DDA1: variants seen among roughly 807,000 people sequenced by gnomAD.
DDA1 encodes DET1- and DDB1-associated protein 1.
DDA1 carries 3 observed loss-of-function variants against 18.6 expected under a neutral mutation model. That is an observed-to-expected ratio of 0.16 (90% CI 0.07 to 0.42). DDA1 has a LOEUF of 0.42. Ranked by LOEUF, DDA1 falls within the 10% of genes least tolerant of loss-of-function variation. DDA1 has a pLI of 0.99. For missense variants in DDA1, 105 were observed against 138.2 expected (o/e 0.76, Z 1.20); for synonymous variants, 52 against 54.0 (o/e 0.96, Z 0.17).
intron 4 of DDA1, among the ~76,000 whole-genome samples, chr19:17,317,710 G>A (rs1407443157): frequency 6.7e-6 from 1 of 148,820 alleles, no homozygotes; most frequent in Non-Finnish European, 1.5e-5. Context: ...GCTGTGGCAT[G>A]TTCCTGTAAT....
chr19:17,315,427 T>C lies in DDA1; in HGVS notation c.137-507T>C, dbSNP rs955538759. On this transcript the variant is annotated intron_variant, in intron 3 of 4. Coordinates refer to ENST00000359866, the MANE Select transcript of DDA1 (RefSeq NM_024050.6). The stretch of plus-strand genomic sequence containing the variant: ...ATACATACGTGTGTGTGTGTGTGTG[T>C]GCATATATATATATATATATATATA... Among the ~76,000 whole-genome samples the C allele has an allele frequency of 7.5e-4, 59 of 79,116 alleles. No homozygotes were observed. In the South Asian group the frequency reaches 0.013, roughly 18 times the overall value. The allele number at this position is 79,116 out of a possible 152,430, so 51.9% of individuals were successfully genotyped here.
intron 3 of DDA1, chr19:17,315,630 C>T (rs1213687916): frequency 5.2e-6 from 2 of 385,718 alleles, no homozygotes; most frequent in Non-Finnish European, 9.6e-6. Context: ...GGTCACTGGG[C>T]ACAGATATGC....
intron 1 of DDA1, among the ~76,000 whole-genome samples, chr19:17,309,961 G>T (rs2074171418): frequency 7.2e-6 from 1 of 139,064 alleles, no homozygotes. Context: ...GGTCCCGTAA[G>T]ACCCCCTGGT....
intron 3 of DDA1, among the ~76,000 whole-genome samples, chr19:17,315,160 C>T (rs12984477): frequency 0.13 from 5,560 of 41,726 alleles, 1,403 homozygotes; most frequent in Non-Finnish European, 0.17. Flanking sequence ...CGTATATATA[C>T]ACACGTGTAT....
In DDA1 at chr19:17,315,481, A is replaced by G. The variant is rs1288153060; in HGVS notation, c.137-453A>G. Among the ~76,000 whole-genome samples, 14 of 132,452 alleles carry G rather than the reference A, an allele frequency of 1.1e-4. No homozygotes were observed. In the East Asian group the frequency reaches 2.3e-3, roughly 22 times the overall value. 86.9% of individuals were successfully genotyped at this position (132,452 alleles called of 152,430 possible). Reference sequence around the variant, plus strand: ...TAGCCGGGCGTGGTGGCATGCATCTATAGTCCCAGGTGGGAAAATCAGTTG... The same window carrying G: ...TAGCCGGGCGTGGTGGCATGCATCTGTAGTCCCAGGTGGGAAAATCAGTTG... On this transcript the variant is annotated intron_variant, in intron 3 of 4. Transcript: ENST00000359866.
chr19:17,315,187 ACACACACGTG>A (rs1331944162), intron 3 of DDA1, among the ~76,000 whole-genome samples: 275 of 25,940 alleles, frequency 0.011, 69 homozygotes, highest in African/African-American at 0.056. Context: ...ACACGTGTAT[ACACACACGTG>A]TATACACACG....
Position 17,312,441 on chromosome 19 carries a change from A to G in DDA1, c.4-1582A>G, listed in dbSNP as rs761216042. Among the ~76,000 whole-genome samples the G allele has an allele frequency of 2.0e-5, 3 of 152,054 alleles. No homozygotes were observed. In the South Asian group the frequency reaches 6.2e-4, roughly 31 times the overall value. The stretch of plus-strand genomic sequence containing the variant: ...GGGGAGGTTAGCAGGTATTTGCCAC[A>G]TGGAGGCATGAGGGGCATTCCTAGA... On this transcript the variant is annotated intron_variant, in intron 1 of 4. Transcript: ENST00000359866.
chr19:17,316,387 G>A (rs893093189), intron 4 of DDA1, among the ~76,000 whole-genome samples: 3 of 149,386 alleles, frequency 2.0e-5, no homozygotes, highest in South Asian at 2.1e-4. Flanking sequence ...CGAGACCATC[G>A]TGGCCAACAT....
intron 1 of DDA1, among the ~76,000 whole-genome samples, chr19:17,312,342 T>G (rs2074183018): frequency 6.6e-6 from 1 of 151,392 alleles, no homozygotes; most frequent in South Asian, 2.1e-4. Context: ...CTCGCCGGGG[T>G]GTGAGGGAGG....
rs759702391 is a variant in DDA1 at position 17,319,572 on chromosome 19, G to A, written c.225G>A (p.Glu75=). 8 of 1,574,578 alleles carry A rather than the reference G, an allele frequency of 5.1e-6. No homozygotes were observed. In the East Asian group the frequency reaches 1.9e-4, roughly 37 times the overall value. ...ACGCTGCCAAGAAGAGAGACCAGGA[G>A]CAAGTGGAGCTGGAAGGCGAGAGCT... ...KKNAAKKRDQ[E]QVELEGESSA... The change falls in exon 5 of 5, where the codon GAG becomes GAA. Residue 75 remains glutamate, a synonymous_variant. Coordinates refer to ENST00000359866, the MANE Select transcript of DDA1 (RefSeq NM_024050.6).
Position 17,309,578 on chromosome 19 carries a change from G to T in DDA1, c.-77G>T. 1.4e-6 allele frequency: 2 copies of T among 1,470,812 alleles called. No individual in the cohort carries two copies. Among genetic ancestry groups the T allele is most frequent in the East Asian group, 2.3e-5 (1 of 43,936 alleles). 91.1% of individuals were successfully genotyped at this position (1,470,812 alleles called of 1,614,324 possible). ...CCGTGGCTGGAAGTTACTGTGAGGCGGCGGCTAAGAAGGCGGCTCTGGTGG... is the reference window on the plus strand; with the variant it reads ...CCGTGGCTGGAAGTTACTGTGAGGCTGCGGCTAAGAAGGCGGCTCTGGTGG... On this transcript the variant is annotated 5_prime_UTR_variant, in exon 1 of 5. Coordinates refer to ENST00000359866, the MANE Select transcript of DDA1 (RefSeq NM_024050.6).
rs8100463 is a variant in DDA1, at chr19:17,312,335, G to C, written c.4-1688G>C. 2.0e-5 allele frequency among the ~76,000 whole-genome samples: 3 copies of C among 152,048 alleles called. No homozygotes were observed. In the South Asian group the frequency reaches 6.2e-4, roughly 32 times the overall value. ...GGTGGACATGTAAGCAGATGACCTC[G>C]CCGGGGTGTGAGGGAGGCTCTGGGA... is the stretch of plus-strand genomic sequence containing the variant. On this transcript the variant is annotated intron_variant, in intron 1 of 4. Coordinates refer to ENST00000359866, the MANE Select transcript of DDA1 (RefSeq NM_024050.6).
chr19:17,314,454 G>T lies in DDA1; in HGVS notation c.136+65G>T. On this transcript the variant is annotated intron_variant, in intron 3 of 4. Transcript: ENST00000359866. This position sits in a 1 kb window ranked among gnomAD's most constrained non-coding sequence, Gnocchi z 4.6. Reference sequence around the variant, plus strand: ...AGGGGCGGGGTTTGGTGACTGCAGCGTGGCACGCGGAGGTTATCTTCAACC... The same window carrying T: ...AGGGGCGGGGTTTGGTGACTGCAGCTTGGCACGCGGAGGTTATCTTCAACC... 1 of 1,600,096 alleles carries T rather than the reference G, an allele frequency of 6.2e-7. No individual in the cohort carries two copies. Among genetic ancestry groups the T allele is most frequent in the Non-Finnish European group, 8.6e-7 (1 of 1,167,580 alleles).
At chr19:17,317,620 G>A (rs1250512672) in intron 4 of DDA1, among the ~76,000 whole-genome samples, 1 of 150,772 alleles carries the variant, frequency 6.6e-6, no homozygotes, top group Admixed American at 6.6e-5. Context: ...GATGGCTTGA[G>A]GCCAGGAGTT....
At chr19:17,316,098 G>T in intron 4 of DDA1, 103 bp downstream of exon 4, 1 of 1,347,564 alleles carries the variant, frequency 7.4e-7, no homozygotes, top group Non-Finnish European at 1.1e-6. Flanking sequence ...TTGGAGCAGG[G>T]CCTTGAGGGC....
chr19:17,314,885 A>C lies in DDA1; in HGVS notation c.136+496A>C, dbSNP rs993685400. ...GGTGGCAGTGATGGGAAGGGGGTCC[A>C]GGCAAAGGGGCCCACAGCACAGGAG... On this transcript the variant is annotated intron_variant, in intron 3 of 4. Coordinates refer to ENST00000359866, the MANE Select transcript of DDA1 (RefSeq NM_024050.6). The surrounding 1 kb of genome is among the most constrained non-coding windows in gnomAD (Gnocchi z 4.6). Among the ~76,000 whole-genome samples, 2 of 151,782 alleles carry C rather than the reference A, an allele frequency of 1.3e-5. No homozygotes were observed. The highest frequency in any genetic ancestry group is 4.8e-5 in the African/African-American group (2 of 41,304).
chr19:17,315,379 G>GTA (rs575618383), intron 3 of DDA1, among the ~76,000 whole-genome samples: 86 of 71,056 alleles, frequency 1.2e-3, no homozygotes, highest in African/African-American at 4.0e-3. Context: ...ATATACACAC[G>GTA]TATATATATA....
chr19:17,313,222 T>G (rs1433226719), intron 1 of DDA1, among the ~76,000 whole-genome samples: 3 of 152,030 alleles, frequency 2.0e-5, no homozygotes, highest in African/African-American at 7.2e-5. Context: ...ATCAGCCCCC[T>G]GGTTTTCTGA....
chr19:17,315,372 TAC>T lies in DDA1; in HGVS notation c.137-557_137-556del, dbSNP rs1159094075. ...ACGCTATATATATACGCTATATATA[TAC>T]ACACGTATATATATACACACTATAT... is the stretch of plus-strand genomic sequence containing the variant. On this transcript the variant is annotated intron_variant, in intron 3 of 4. Coordinates refer to ENST00000359866, the MANE Select transcript of DDA1 (RefSeq NM_024050.6). Among the ~76,000 whole-genome samples the T allele has an allele frequency of 2.0e-4, 17 of 83,264 alleles. 1 individual carries two copies. The highest frequency in any genetic ancestry group is 3.8e-4 in the Non-Finnish European group (14 of 36,536). 54.6% of individuals were successfully genotyped at this position (83,264 alleles called of 152,430 possible).
Sources: allele counts gnomAD v4.1 joint callset (sites outside exome capture counted in the v4.1 genomes callset), GRCh38; gene constraint gnomAD v4.1.1; non-coding constraint Gnocchi (gnomAD v3.1); transcripts MANE v1.5; gene names NCBI Gene and HGNC (gene_info 2026-07-23, HGNC 2026-07-21).